CFAP47: variants seen among roughly 807,000 people sequenced by gnomAD.
CFAP47 encodes cilia- and flagella-associated protein 47.
Under a neutral mutation model 148.1 loss-of-function variants are expected in CFAP47, and 29 were observed. The ratio of observed to expected loss-of-function variants is 0.20; its 90% CI spans 0.15 to 0.27. The LOEUF is 0.27. CFAP47 is among the 10% of genes least tolerant of loss of function. CFAP47 has a pLI of 1.00. For synonymous variants in CFAP47, 664 were observed against 577.3 expected, an observed-to-expected ratio of 1.15 and a Z score of -2.15; for missense variants, 1,872 against 1,697.5, an observed-to-expected ratio of 1.10 and a Z score of -1.81.
intron 49 of CFAP47, 70 bp downstream of exon 49, chrX:36,251,514 T>C (rs1264235117): frequency 4.8e-6 from 2 of 413,845 alleles, no homozygotes; most frequent in Non-Finnish European, 8.4e-6. Context: ...ATGAGACAAA[T>C]AGAAATGCAA....
intron 45 of CFAP47, among the ~76,000 whole-genome samples, chrX:36,210,585 C>G (rs892784214): frequency 2.7e-5 from 3 of 112,300 alleles, no homozygotes; most frequent in Non-Finnish European, 5.6e-5. Context: ...AGTGTTCTTT[C>G]TATATCTCAG....
chrX:35,941,445 AT>A, intron 3 of CFAP47, 47 bp downstream of exon 3: 1 of 654,439 alleles, frequency 1.5e-6, no homozygotes, highest in Non-Finnish European at 2.3e-6. Context: ...AAGAGTTGGT[AT>A]TATTTGAAAT....
chrX:36,176,281 G>T (rs1430100785), intron 39 of CFAP47, among the ~76,000 whole-genome samples: 1 of 112,378 alleles, frequency 8.9e-6, no homozygotes, highest in Non-Finnish European at 1.9e-5. Context: ...CACGCTCGGA[G>T]CTGTAGACCG....
intron 33 of CFAP47, among the ~76,000 whole-genome samples, chrX:36,120,542 C>T (rs1004922515): frequency 7.2e-5 from 8 of 110,685 alleles, no homozygotes; most frequent in African/African-American, 2.6e-4. Flanking sequence ...TGATGTATCC[C>T]CTAGGTTTGG....
chrX:35,968,904 G>A (rs755180530), intron 10 of CFAP47, among the ~76,000 whole-genome samples: 1 of 108,447 alleles, frequency 9.2e-6, no homozygotes, highest in South Asian at 3.8e-4. Flanking sequence ...CTGCAGAGGT[G>A]GCTTCTAGCA....
chrX:36,220,621 A>G (rs1327998682), intron 45 of CFAP47, among the ~76,000 whole-genome samples: 3 of 110,950 alleles, frequency 2.7e-5, no homozygotes, highest in Non-Finnish European at 3.8e-5. Context: ...ATTGCTGTAA[A>G]GTAAATATGG....
intron 57 of CFAP47, among the ~76,000 whole-genome samples, chrX:36,338,631 T>C (rs1399797922): frequency 1.8e-5 from 2 of 111,953 alleles, no homozygotes; most frequent in East Asian, 5.6e-4. Flanking sequence ...TCCTTTGCTG[T>C]TCCTGCCCCC....
At chrX:36,163,648 C>T (rs1480926226) in intron 39 of CFAP47, among the ~76,000 whole-genome samples, 1 of 111,194 alleles carries the variant, frequency 9.0e-6, no homozygotes, top group Non-Finnish European at 1.9e-5. Context: ...TATGTTCTTG[C>T]CCCCAGGCTG....
intron 45 of CFAP47, among the ~76,000 whole-genome samples, chrX:36,219,791 G>A (rs1004897677): frequency 9.0e-6 from 1 of 110,698 alleles, no homozygotes; most frequent in African/African-American, 3.3e-5. Flanking sequence ...CCACCTTTTC[G>A]GACTGAACCA....
intron 18 of CFAP47, among the ~76,000 whole-genome samples, chrX:35,994,787 A>G (rs1280471802): frequency 9.0e-6 from 1 of 111,002 alleles, no homozygotes; most frequent in Non-Finnish European, 1.9e-5. Context: ...TCTTACCTTT[A>G]TTAACATTAT....
chrX:36,280,085 ATAT>A (rs1442024154), intron 49 of CFAP47, among the ~76,000 whole-genome samples: 1 of 110,923 alleles, frequency 9.0e-6, no homozygotes, highest in Admixed American at 9.7e-5. Context: ...GGATATTGTG[ATAT>A]TATATAAAAT....
intron 29 of CFAP47, among the ~76,000 whole-genome samples, chrX:36,080,759 A>G (rs1426907387): frequency 9.0e-6 from 1 of 110,838 alleles, no homozygotes; most frequent in Non-Finnish European, 1.9e-5. Context: ...GGTGGGGAAC[A>G]TCACACACCA....
chrX:35,937,230 G>T (rs906733566), intron 2 of CFAP47, among the ~76,000 whole-genome samples: 9 of 105,391 alleles, frequency 8.5e-5, no homozygotes, highest in Admixed American at 3.2e-4. Flanking sequence ...AGTAGAAGGA[G>T]AGTGCTTCCC....
At chrX:36,076,044 C>T (rs1422502663) in intron 29 of CFAP47, among the ~76,000 whole-genome samples, 1 of 111,317 alleles carries the variant, frequency 9.0e-6, no homozygotes, top group Non-Finnish European at 1.9e-5. Context: ...GATATATACC[C>T]CACAATGGGA....
chrX:36,065,693 A>T lies in CFAP47; in HGVS notation c.4268A>T (p.Tyr1423Phe), dbSNP rs768144290. The change falls in exon 27 of 64, where the codon TAC (tyrosine) becomes TTC (phenylalanine). Residue 1423 changes from tyrosine to phenylalanine, a missense_variant. Tyr to Phe is a conservative substitution (Grantham distance 22). Coordinates refer to ENST00000378653, the MANE Select transcript of CFAP47 (RefSeq NM_001304548.2). ...GCAGAAAACTGCATTCTTACTATTT[A>T]CCCATATATGGCAATTCATCTGGAT... ...ATAENCILTI[Y>F]PYMAIHLDKQ... 1.7e-6 allele frequency: 2 copies of T among 1,198,240 alleles called. No homozygotes were observed. Among genetic ancestry groups the T allele is most frequent in the Non-Finnish European group, 2.3e-6 (2 of 885,165 alleles).
At chrX:35,987,710 G>T (rs1321558606) in intron 15 of CFAP47, among the ~76,000 whole-genome samples, 1 of 111,623 alleles carries the variant, frequency 9.0e-6, no homozygotes. Context: ...ACCCAGTTTT[G>T]TGCTTGAAAC....
At chrX:35,953,499 A>G in intron 6 of CFAP47, 93 bp from the exon 7 acceptor site, 1 of 655,687 alleles carries the variant, frequency 1.5e-6, no homozygotes, top group Non-Finnish European at 2.2e-6. Flanking sequence ...ATTTGCTTGC[A>G]TAGATTTAAA....
At chrX:36,060,561 C>T (rs1937585788) in intron 26 of CFAP47, among the ~76,000 whole-genome samples, 2 of 111,714 alleles carry the variant, frequency 1.8e-5, no homozygotes, top group African/African-American at 6.5e-5. Context: ...GCTAAATGAA[C>T]ATATATTTCT....
At position 36,341,326 on chromosome X, in the gene CFAP47, C is replaced by T. The variant is rs970181821; in HGVS notation, c.8444-6803C>T. ...CTGGGATTACAGGCGTGAGCCACCG[C>T]GCCTGGCCGGTGCTAGAATATTTCT... On this transcript the variant is annotated intron_variant, in intron 57 of 63. Transcript: ENST00000378653. Among the ~76,000 whole-genome samples, 6 of 111,134 alleles carry T rather than the reference C, an allele frequency of 5.4e-5. No individual in the cohort carries two copies. The South Asian group carries it at 1.9e-3, about 35-fold the overall frequency.
Sources: gnomAD v4.1 joint callset for allele counts (sites outside exome capture counted in the v4.1 genomes callset) on GRCh38, gnomAD v4.1.1 for gene constraint, MANE v1.5 for transcripts, NCBI Gene and HGNC (gene_info 2026-07-23, HGNC 2026-07-21) for gene names.